Variants in RIN2 observed in about 807,000 individuals in gnomAD.
RIN2 encodes the protein RAB5 interacting protein 2.
A neutral mutation model predicts 78.0 loss-of-function variants in RIN2; 36 were observed. The observed-to-expected ratio is 0.46, with a 90% CI of 0.35 to 0.61. The LOEUF (loss-of-function observed/expected upper bound fraction) is 0.61. Ranked by LOEUF, RIN2 falls within the 20% of genes least tolerant of loss-of-function variation. The pLI, the probability that RIN2 is intolerant of heterozygous loss-of-function variation, is 0.00. For synonymous variants in RIN2, 466 were observed against 466.8 expected (o/e 1.00, Z 0.02); for missense variants, 1,087 against 1,159.7 (o/e 0.94, Z 0.91).
chr20:19,818,807 G>T (rs1461533304), intron 2 of RIN2, among the ~76,000 whole-genome samples: 1 of 149,718 alleles, frequency 6.7e-6, no homozygotes, highest in Admixed American at 6.6e-5. Context: ...TGAAAAAAAG[G>T]CTGCAACATT....
At position 19,944,551 on chromosome 20, in the gene RIN2, G is replaced by A. The variant is rs148160295; in HGVS notation, c.158+9352G>A. Among the ~76,000 whole-genome samples, 745 of 152,232 alleles carry A rather than the reference G, an allele frequency of 4.9e-3. 10 individuals carry two copies. The highest frequency in any genetic ancestry group is 0.017 in the African/African-American group (711 of 41,532). On this transcript the variant is annotated intron_variant, in intron 4 of 12. Coordinates refer to ENST00000255006, the MANE Select transcript of RIN2 (RefSeq NM_018993.4). Reference sequence around the variant, plus strand: ...GCCCTCCGGCAATGCCACATCCCAGGGTGTATCTTTCTTGCCATTGCAGCT... The same window carrying A: ...GCCCTCCGGCAATGCCACATCCCAGAGTGTATCTTTCTTGCCATTGCAGCT...
intron 3 of RIN2, among the ~76,000 whole-genome samples, chr20:19,923,473 T>A (rs374820300): frequency 1.0e-4 from 10 of 95,936 alleles, no homozygotes; most frequent in Non-Finnish European, 1.8e-4. Flanking sequence ...ATAAAATAAA[T>A]AAAATAAAAT....
chr20:19,896,243 C>T (rs2038717624), intron 3 of RIN2, among the ~76,000 whole-genome samples: 1 of 152,016 alleles, frequency 6.6e-6, no homozygotes, highest in South Asian at 2.1e-4. Context: ...GGCTGGAGTG[C>T]AGTGACATGA....
At position 20,001,204 on chromosome 20, in the gene RIN2, T is replaced by A; in HGVS notation, c.*268T>A. 2.2e-6 allele frequency: 1 copy of A among 455,478 alleles called. No individual in the cohort carries two copies. The highest frequency in any genetic ancestry group is 4.0e-6 in the Non-Finnish European group (1 of 251,902). The allele number at this position is 455,478 out of a possible 1,614,324, so 28.2% of individuals were successfully genotyped here. ...GAGATTGTTTGCTACCTACCCCCAG[T>A]CAGGTTCTAGGTTGGCTTACAGGTA... On this transcript the variant is annotated 3_prime_UTR_variant, in exon 13 of 13. Coordinates refer to ENST00000255006, the MANE Select transcript of RIN2 (RefSeq NM_018993.4).
At chr20:19,937,029 A>G (rs534277036) in intron 4 of RIN2, among the ~76,000 whole-genome samples, 60 of 152,352 alleles carry the variant, frequency 3.9e-4, no homozygotes, top group Middle Eastern at 6.8e-3. Flanking sequence ...TCCAGGAGGG[A>G]AAGCTCTTTA....
Position 19,970,848 on chromosome 20 carries a change from C to T in RIN2, c.547C>T (p.Pro183Ser), listed in dbSNP as rs1244395961. The change falls in exon 8 of 13, where the codon CCA (proline) becomes TCA (serine). Residue 183 changes from proline (P) to serine (S), a missense_variant. By Grantham distance (74) the Pro-to-Ser change is moderately conservative. Coordinates refer to ENST00000255006, the MANE Select transcript of RIN2 (RefSeq NM_018993.4). ...TTTCTGAACAATCAGGGATGTTCTA[C>T]CATTTACCTTGAAGTTGCCTTATGC... ...AFYCISRDVL[P>S]FTLKLPYAIS... The T allele has an allele frequency of 3.1e-6, 5 of 1,612,436 alleles. No individual in the cohort carries two copies. The Admixed American group carries it at 8.3e-5, about 27-fold the overall frequency.
chr20:19,939,963 T>C (rs1339810195), intron 4 of RIN2, among the ~76,000 whole-genome samples: 2 of 152,008 alleles, frequency 1.3e-5, no homozygotes, highest in Non-Finnish European at 2.9e-5. Flanking sequence ...AAGCAATTCT[T>C]ATGCCTCCAG....
intron 3 of RIN2, among the ~76,000 whole-genome samples, chr20:19,913,389 C>T (rs965037377): frequency 6.6e-6 from 1 of 152,212 alleles, no homozygotes; most frequent in African/African-American, 2.4e-5. Context: ...CTCAAGCCAT[C>T]TTCCTGCCTT....
chr20:19,817,073 G>A (rs905265448), intron 2 of RIN2, among the ~76,000 whole-genome samples: 8 of 152,176 alleles, frequency 5.3e-5, no homozygotes, highest in Non-Finnish European at 1.2e-4. Flanking sequence ...GGTGGAGGTG[G>A]TAGAGTTCAA....
At chr20:19,968,670 G>A (rs1600984978) in intron 7 of RIN2, among the ~76,000 whole-genome samples, 1 of 152,142 alleles carries the variant, frequency 6.6e-6, no homozygotes, top group Non-Finnish European at 1.5e-5. Flanking sequence ...TAAGCTCCAG[G>A]TACTGCATTG....
At chr20:19,901,453 G>A (rs1379489823) in intron 3 of RIN2, among the ~76,000 whole-genome samples, 1 of 152,088 alleles carries the variant, frequency 6.6e-6, no homozygotes, top group African/African-American at 2.4e-5. Context: ...TCGAACACCC[G>A]ACCTTGTCAT....
chr20:19,947,151 A>G (rs781463725), intron 4 of RIN2, among the ~76,000 whole-genome samples: 2 of 152,162 alleles, frequency 1.3e-5, no homozygotes, highest in Non-Finnish European at 2.9e-5. Context: ...ACCTTGATGT[A>G]TCCATCACTT....
Position 19,889,552 on chromosome 20 carries a change from G to T in RIN2, c.-36-14G>T. The T allele has an allele frequency of 6.5e-7, 1 of 1,547,092 alleles. No individual in the cohort carries two copies. Among genetic ancestry groups the T allele is most frequent in the Non-Finnish European group, 8.7e-7 (1 of 1,144,086 alleles). On this transcript the variant is annotated splice_polypyrimidine_tract_variant and intron_variant, in intron 2 of 12. Transcript: ENST00000255006. ...ACAGGCTGGACTAACCATTAAAAAT[G>T]TCTCTACCTTCAGGAGTCCCCGGCG...
intron 9 of RIN2, among the ~76,000 whole-genome samples, chr20:19,977,500 G>C (rs1233100635): frequency 6.6e-6 from 1 of 152,194 alleles, no homozygotes; most frequent in Non-Finnish European, 1.5e-5. Flanking sequence ...CCGGCAGCCT[G>C]TCCAAGCTAT....
chr20:19,852,226 G>T (rs7263900), intron 2 of RIN2, among the ~76,000 whole-genome samples: 44,975 of 152,032 alleles, frequency 0.3, 6,901 homozygotes, highest in Middle Eastern at 0.4. Flanking sequence ...GGCAAAGGGT[G>T]TGGATAAATA....
intron 1 of RIN2, among the ~76,000 whole-genome samples, chr20:19,791,413 G>A (rs2034885938): frequency 6.6e-6 from 1 of 152,160 alleles, no homozygotes; most frequent in South Asian, 2.1e-4. Flanking sequence ...CTAAGGCTTA[G>A]ATAATTTAAG....
intron 12 of RIN2, among the ~76,000 whole-genome samples, chr20:19,999,273 T>C (rs2043067527): frequency 6.6e-6 from 1 of 151,502 alleles, no homozygotes; most frequent in African/African-American, 2.4e-5. Flanking sequence ...GTAGACCCTG[T>C]CTCTTAAAAA....
In RIN2 at chr20:19,988,513, G is replaced by A. The variant is rs547535825; in HGVS notation, c.1763-1493G>A. The stretch of plus-strand genomic sequence containing the variant: ...TGTCATCATTTTATGCGTAGATGCT[G>A]CAGCAGAACCCAAGGGGCTCAGATG... On this transcript the variant is annotated intron_variant, in intron 9 of 12. Transcript: ENST00000255006. Among the ~76,000 whole-genome samples, 8 of 152,324 alleles carry A rather than the reference G, an allele frequency of 5.3e-5. No individual in the cohort carries two copies. The South Asian group carries it at 1.7e-3, about 32-fold the overall frequency.
At chr20:19,895,488 G>A (rs1568581942) in intron 3 of RIN2, among the ~76,000 whole-genome samples, 4 of 152,058 alleles carry the variant, frequency 2.6e-5, no homozygotes, top group Admixed American at 2.6e-4. Context: ...TTGGCCTCTG[G>A]GACAGGGTGA....
Sources: allele counts gnomAD v4.1 joint callset (sites outside exome capture counted in the v4.1 genomes callset), GRCh38; gene constraint gnomAD v4.1.1; transcripts MANE v1.5; gene names NCBI Gene and HGNC (gene_info 2026-07-23, HGNC 2026-07-21).